Variants in DNAH7 observed in about 807,000 individuals in gnomAD.
DNAH7 encodes axonemal beta dynein heavy chain 7.
DNAH7 carries 397 observed loss-of-function variants against 444.6 expected under a neutral mutation model. That is an observed-to-expected ratio of 0.89 (90% CI 0.82 to 0.97). The LOEUF is 0.97. Ranked by LOEUF, DNAH7 falls within the 50% of genes least tolerant of loss-of-function variation. The pLI is 0.00. For missense variants in DNAH7, 4,902 were observed against 4,800.8 expected, an observed-to-expected ratio of 1.02 and a Z score of -0.62; for synonymous variants, 1,636 against 1,624.4, an observed-to-expected ratio of 1.01 and a Z score of -0.17.
intron 51 of DNAH7, among the ~76,000 whole-genome samples, chr2:195,810,928 C>A (rs746118189): frequency 2.6e-4 from 39 of 152,128 alleles, no homozygotes; most frequent in Non-Finnish European, 4.7e-4. Context: ...TACAGGGTGA[C>A]TCACATTTGG....
intron 43 of DNAH7, among the ~76,000 whole-genome samples, chr2:195,858,113 T>A (rs1052942073): frequency 2.0e-5 from 3 of 152,168 alleles, no homozygotes; most frequent in Non-Finnish European, 4.4e-5. Flanking sequence ...ATAAGATGTA[T>A]TCCAATGACA....
chr2:195,883,505 G>T (rs920574153), intron 35 of DNAH7, among the ~76,000 whole-genome samples: 14 of 150,806 alleles, frequency 9.3e-5, no homozygotes, highest in Non-Finnish European at 2.1e-4. Context: ...GTTATTTAGA[G>T]GTTGTGTGAT....
At chr2:195,810,313 T>A (rs1696906574) in intron 51 of DNAH7, among the ~76,000 whole-genome samples, 1 of 152,238 alleles carries the variant, frequency 6.6e-6, no homozygotes, top group African/African-American at 2.4e-5. Flanking sequence ...TATAAATTCA[T>A]AAAAGCTGAA....
chr2:195,917,148 G>C (rs897493366), intron 24 of DNAH7, among the ~76,000 whole-genome samples: 1 of 151,044 alleles, frequency 6.6e-6, no homozygotes, highest in African/African-American at 2.4e-5. Context: ...ACTCCAGTCT[G>C]GGTGACAAAG....
intron 17 of DNAH7, among the ~76,000 whole-genome samples, chr2:195,965,428 C>A (rs1355741304): frequency 6.6e-6 from 1 of 151,988 alleles, no homozygotes; most frequent in Non-Finnish European, 1.5e-5. Context: ...CTAAAGTTTT[C>A]TTTTTTTGAT....
At chr2:196,067,391 TATC>T (rs1460555853) in intron 1 of DNAH7, among the ~76,000 whole-genome samples, 1 of 152,230 alleles carries the variant, frequency 6.6e-6, no homozygotes, top group African/African-American at 2.4e-5. Context: ...ATTACATTAA[TATC>T]ATGTAGAAAA....
chr2:196,021,813 C>G (rs549968644), intron 8 of DNAH7, among the ~76,000 whole-genome samples: 4 of 151,890 alleles, frequency 2.6e-5, no homozygotes, highest in African/African-American at 9.7e-5. Flanking sequence ...CAAAGAAACC[C>G]TATCTCAAGA....
intron 10 of DNAH7, among the ~76,000 whole-genome samples, chr2:196,002,391 TCTGATCTAAAA>T (rs1694092738): frequency 6.6e-6 from 1 of 152,184 alleles, no homozygotes; most frequent in South Asian, 2.1e-4. Flanking sequence ...TGAAAGAGTG[TCTGATCTAAAA>T]CAAAGTTTCG....
intron 63 of DNAH7, among the ~76,000 whole-genome samples, chr2:195,743,800 AT>A (rs11338551): frequency 0.79 from 119,665 of 152,076 alleles, 48,133 homozygotes; most frequent in South Asian, 0.88. Flanking sequence ...TGAAACGTAT[AT>A]TGTGCATTGG....
At chr2:195,988,515 G>A (rs1693078987) in intron 12 of DNAH7, among the ~76,000 whole-genome samples, 1 of 151,728 alleles carries the variant, frequency 6.6e-6, no homozygotes, top group South Asian at 2.1e-4. Flanking sequence ...ATAATATTTA[G>A]AATAAAAAAC....
chr2:196,005,307 AAT>A (rs370849889), intron 10 of DNAH7, among the ~76,000 whole-genome samples: 31 of 148,072 alleles, frequency 2.1e-4, no homozygotes, highest in Admixed American at 2.0e-4. Flanking sequence ...AACAAACAAA[AAT>A]ATATATATAT....
intron 48 of DNAH7, among the ~76,000 whole-genome samples, chr2:195,829,313 G>A (rs1425164363): frequency 6.6e-6 from 1 of 151,436 alleles, no homozygotes; most frequent in Non-Finnish European, 1.5e-5. Flanking sequence ...TTATAAATAT[G>A]ATAATTTTGT....
At chr2:195,998,019 C>A (rs1693804276) in intron 12 of DNAH7, among the ~76,000 whole-genome samples, 1 of 152,018 alleles carries the variant, frequency 6.6e-6, no homozygotes, top group South Asian at 2.1e-4. Flanking sequence ...ACCTTTGAAC[C>A]TAAAATAAAA....
At chr2:195,816,421 G>A (rs1163744897) in intron 51 of DNAH7, among the ~76,000 whole-genome samples, 1 of 152,038 alleles carries the variant, frequency 6.6e-6, no homozygotes, top group Non-Finnish European at 1.5e-5. Context: ...CTAGATCTCT[G>A]TAAACAGTTT....
intron 63 of DNAH7, among the ~76,000 whole-genome samples, chr2:195,741,865 A>G (rs984306099): frequency 2.0e-5 from 3 of 152,174 alleles, no homozygotes; most frequent in Non-Finnish European, 2.9e-5. Context: ...AGAGGCTGGT[A>G]TTAGTAAGCT....
At position 195,926,748 on chromosome 2, in the gene DNAH7, A is replaced by G. The variant is rs186566859; in HGVS notation, c.3472-182T>C. On this transcript the variant is annotated intron_variant, in intron 21 of 64. Coordinates refer to ENST00000312428, the MANE Select transcript of DNAH7 (RefSeq NM_018897.3). ...TATATTCAAGTTTAATCACATACCT[A>G]TAAGCAAGGCAAACATATTACATAA... Among the ~76,000 whole-genome samples, 316 of 152,248 alleles carry G rather than the reference A, an allele frequency of 2.1e-3. 1 individual carries two copies. Among genetic ancestry groups the G allele is most frequent in the African/African-American group, 7.1e-3 (296 of 41,544 alleles).
At chr2:195,881,048 T>G (rs1440159010) in intron 36 of DNAH7, among the ~76,000 whole-genome samples, 1 of 152,074 alleles carries the variant, frequency 6.6e-6, no homozygotes, top group African/African-American at 2.4e-5. Flanking sequence ...AAATTCTCAG[T>G]GAAAATGTAT....
intron 12 of DNAH7, among the ~76,000 whole-genome samples, chr2:195,989,774 T>C (rs932079317): frequency 1.3e-5 from 2 of 152,066 alleles, no homozygotes; most frequent in South Asian, 2.1e-4. Context: ...GTGTGGTAAC[T>C]CCCCACTCCA....
At position 195,960,718 on chromosome 2, in the gene DNAH7, C is replaced by T. The variant is rs768992647; in HGVS notation, c.2433G>A (p.Glu811=). 2 of 1,614,170 alleles carry T rather than the reference C, an allele frequency of 1.2e-6. No individual in the cohort carries two copies. The highest frequency in any genetic ancestry group is 1.7e-5 in the Admixed American group (1 of 60,022). ...CATATGGAGAATCATGAAAGGTTTT[C>T]TCCAGTTTATATAATCCTCTCCAGT... ...GNYWRGLYKL[E]KTFHDSPYAL... The change falls in exon 18 of 65, where the codon GAG becomes GAA. Residue 811 remains glutamate (E), a synonymous_variant. Transcript: ENST00000312428.
Sources: gnomAD v4.1 joint callset for allele counts (sites outside exome capture counted in the v4.1 genomes callset) on GRCh38, gnomAD v4.1.1 for gene constraint, MANE v1.5 for transcripts, NCBI Gene and HGNC (gene_info 2026-07-23, HGNC 2026-07-21) for gene names.